CRADD: variants seen among roughly 807,000 people sequenced by gnomAD.
CRADD encodes the protein death domain-containing protein CRADD.
CRADD carries 9 observed loss-of-function variants against 15.5 expected under a neutral mutation model. The observed-to-expected ratio is 0.58, with a 90% CI of 0.35 to 1.01. The LOEUF (loss-of-function observed/expected upper bound fraction) is 1.01, where lower values mean the gene tolerates loss of function less well. CRADD is among the 50% of genes least tolerant of loss of function. CRADD has a pLI of 0.02. For synonymous variants in CRADD, 118 were observed against 107.6 expected, an observed-to-expected ratio of 1.10 and a Z score of -0.60; for missense variants, 227 against 250.3, an observed-to-expected ratio of 0.91 and a Z score of 0.63.
intron 2 of CRADD, among the ~76,000 whole-genome samples, chr12:93,701,188 A>G (rs1238282009): frequency 2.0e-5 from 3 of 152,098 alleles, no homozygotes; most frequent in Non-Finnish European, 2.9e-5. Flanking sequence ...GCAACATTTA[A>G]CAGAAAACCC....
intron 2 of CRADD, among the ~76,000 whole-genome samples, chr12:93,687,225 GCCT>G (rs1472881299): frequency 6.6e-6 from 1 of 152,178 alleles, no homozygotes; most frequent in South Asian, 2.1e-4. Context: ...CAGCGGAGAT[GCCT>G]CCATTTCACT....
chr12:93,873,880 C>T (rs75941721), intron 2 of CRADD, among the ~76,000 whole-genome samples: 6,091 of 150,660 alleles, frequency 0.04, 392 homozygotes, highest in African/African-American at 0.14. Context: ...TTTTGTTTTT[C>T]GTTGTGTGTG....
chr12:93,722,316 A>G (rs1289228667), intron 2 of CRADD, among the ~76,000 whole-genome samples: 1 of 151,986 alleles, frequency 6.6e-6, no homozygotes, highest in African/African-American at 2.4e-5. Flanking sequence ...TAGCCTAGGT[A>G]TAGTTTTTGT....
chr12:93,878,467 T>A (rs7969712), intron 2 of CRADD, among the ~76,000 whole-genome samples: 1 of 151,882 alleles, frequency 6.6e-6, no homozygotes, highest in Middle Eastern at 3.2e-3. Flanking sequence ...AGGGGTGATG[T>A]CAGCACTCCC....
intron 2 of CRADD, among the ~76,000 whole-genome samples, chr12:93,878,921 G>A (rs561883483): frequency 2.4e-4 from 37 of 152,232 alleles, no homozygotes; most frequent in Middle Eastern, 3.4e-3. Flanking sequence ...TGCGTAGATC[G>A]TTGTTAAATT....
chr12:93,696,334 T>C (rs1005945135), intron 2 of CRADD, among the ~76,000 whole-genome samples: 1 of 152,210 alleles, frequency 6.6e-6, no homozygotes, highest in African/African-American at 2.4e-5. Context: ...AGAATCAACC[T>C]GAGTGTCCAT....
intron 2 of CRADD, chr12:93,838,007 C>T (rs1440524392): frequency 6.6e-6 from 1 of 152,136 alleles, no homozygotes; most frequent in African/African-American, 2.4e-5. Flanking sequence ...ATAGTCAAAT[C>T]AAGTCTTCCA....
In CRADD at chr12:93,795,223, A is replaced by T. The variant is rs187657598; in HGVS notation, c.299-54747A>T. 3.3e-4 allele frequency among the ~76,000 whole-genome samples: 51 copies of T among 152,334 alleles called. No individual in the cohort carries two copies. The East Asian group carries it at 9.4e-3, about 28-fold the overall frequency. ...TAATGTTTATTGCATGAATAAACAA[A>T]TGAATTACTTTGTTTGTGATTTAGG... On this transcript the variant is annotated intron_variant, in intron 2 of 2. Transcript: ENST00000332896.
intron 2 of CRADD, among the ~76,000 whole-genome samples, chr12:93,794,519 T>A (rs1408095176): frequency 2.6e-5 from 4 of 152,156 alleles, no homozygotes; most frequent in Non-Finnish European, 5.9e-5. Context: ...CCTATCACTA[T>A]GACCTATTGT....
At chr12:93,881,767 T>A (rs1460480777) in intron 2 of CRADD, among the ~76,000 whole-genome samples, 1 of 152,204 alleles carries the variant, frequency 6.6e-6, no homozygotes, top group Admixed American at 6.5e-5. Flanking sequence ...TGATAAAGTG[T>A]CTCCCTTGGA....
intron 2 of CRADD, among the ~76,000 whole-genome samples, chr12:93,863,961 A>C (rs547078761): frequency 6.6e-6 from 1 of 152,332 alleles, no homozygotes; most frequent in South Asian, 2.1e-4. Context: ...CATAAAAATA[A>C]ATGCCTAACA....
chr12:93,742,834 G>A (rs1357428213), intron 2 of CRADD, among the ~76,000 whole-genome samples: 1 of 152,108 alleles, frequency 6.6e-6, no homozygotes, highest in Non-Finnish European at 1.5e-5. Context: ...GGCGAGTCAG[G>A]TGTTTGTGCG....
chr12:93,731,706 A>C (rs1230256494), intron 2 of CRADD, among the ~76,000 whole-genome samples: 3 of 152,270 alleles, frequency 2.0e-5, no homozygotes, highest in Non-Finnish European at 4.4e-5. Flanking sequence ...AAATATAGCC[A>C]TATAGCTTAA....
intron 2 of CRADD, among the ~76,000 whole-genome samples, chr12:93,838,564 C>G (rs76244265): frequency 1.6e-5 from 1 of 60,732 alleles, no homozygotes; most frequent in Admixed American, 1.6e-4. Flanking sequence ...CTTTCTCTCT[C>G]TTTTTTTTTT....
At chr12:93,861,727 C>G (rs561651280) in intron 2 of CRADD, among the ~76,000 whole-genome samples, 11 of 152,326 alleles carry the variant, frequency 7.2e-5, no homozygotes, top group East Asian at 3.9e-4. Flanking sequence ...AATAAACTCC[C>G]CACCCACTCA....
chr12:93,722,522 T>C (rs149492095), intron 2 of CRADD, among the ~76,000 whole-genome samples: 1 of 152,224 alleles, frequency 6.6e-6, no homozygotes, highest in East Asian at 1.9e-4. Flanking sequence ...TATTCTGTTT[T>C]TCAGTCTTTC....
In CRADD at chr12:93,828,760, G is replaced by A. The variant is rs1244921271; in HGVS notation, c.299-21210G>A. Reference sequence around the variant, plus strand: ...TTAGGATGTCTTAAAATCAGGGAGTGTAATTATTCCAGCTGCATTCTTTTT... The same window carrying A: ...TTAGGATGTCTTAAAATCAGGGAGTATAATTATTCCAGCTGCATTCTTTTT... On this transcript the variant is annotated intron_variant, in intron 2 of 2. Coordinates refer to ENST00000332896, the MANE Select transcript of CRADD (RefSeq NM_003805.5). 3.3e-5 allele frequency among the ~76,000 whole-genome samples: 5 copies of A among 152,214 alleles called. No homozygotes were observed. The East Asian group carries it at 7.7e-4, about 23-fold the overall frequency.
intron 2 of CRADD, among the ~76,000 whole-genome samples, chr12:93,789,448 A>G (rs1368680658): frequency 1.3e-5 from 2 of 152,208 alleles, no homozygotes; most frequent in Non-Finnish European, 2.9e-5. Flanking sequence ...CGATTGGTTT[A>G]GAAGAGCCAG....
In CRADD at chr12:93,738,974, T is replaced by G. The variant is rs928200905; in HGVS notation, c.298+59902T>G. Reference sequence around the variant, plus strand: ...CTAATGGTTTCTTTCTTCATCATTTTAATTTCCATTAATAAAATGTGACTT... The same window carrying G: ...CTAATGGTTTCTTTCTTCATCATTTGAATTTCCATTAATAAAATGTGACTT... On this transcript the variant is annotated intron_variant, in intron 2 of 2. Transcript: ENST00000332896. 2.6e-5 allele frequency among the ~76,000 whole-genome samples: 4 copies of G among 152,250 alleles called. No individual in the cohort carries two copies. In the East Asian group the frequency reaches 7.7e-4, roughly 29 times the overall value.
Sources: gnomAD v4.1 joint callset for allele counts (sites outside exome capture counted in the v4.1 genomes callset) on GRCh38, gnomAD v4.1.1 for gene constraint, MANE v1.5 for transcripts, NCBI Gene and HGNC (gene_info 2026-07-23, HGNC 2026-07-21) for gene names.